Variants in RUNDC3B observed in about 807,000 individuals in gnomAD.
The protein encoded by RUNDC3B is RUN domain-containing protein 3B.
In RUNDC3B, 33 loss-of-function variants were observed where a neutral mutation model predicts 58.4. The ratio of observed to expected loss-of-function variants is 0.56; its 90% CI spans 0.43 to 0.75. The LOEUF is 0.75. RUNDC3B is among the 30% of genes least tolerant of loss of function. The probability of loss-of-function intolerance (pLI) is 0.00; values close to 1 mark genes in which losing one functional copy is unlikely to be tolerated. For missense variants in RUNDC3B, 501 were observed against 535.7 expected, an observed-to-expected ratio of 0.94 and a Z score of 0.64; for synonymous variants, 193 against 195.2, an observed-to-expected ratio of 0.99 and a Z score of 0.10.
intron 8 of RUNDC3B, among the ~76,000 whole-genome samples, chr7:87,785,165 C>T (rs1835141558): frequency 6.6e-6 from 1 of 151,968 alleles, no homozygotes; most frequent in African/African-American, 2.4e-5. Context: ...AGTGTCTGCC[C>T]CAGGAACAGA....
chr7:87,648,709 A>T (rs958848192), intron 1 of RUNDC3B, among the ~76,000 whole-genome samples: 42 of 152,214 alleles, frequency 2.8e-4, no homozygotes, highest in African/African-American at 9.6e-4. Context: ...TTATTTCCCG[A>T]TATAACTGGT....
At chr7:87,702,193 ATT>A (rs914477876) in intron 3 of RUNDC3B, among the ~76,000 whole-genome samples, 1 of 146,478 alleles carries the variant, frequency 6.8e-6, no homozygotes, top group Non-Finnish European at 1.5e-5. Flanking sequence ...TTTCTCACTA[ATT>A]TTTTTTTAGG....
At chr7:87,711,469 G>T (rs1265089141) in intron 4 of RUNDC3B, among the ~76,000 whole-genome samples, 2 of 151,908 alleles carry the variant, frequency 1.3e-5, no homozygotes, top group African/African-American at 2.4e-5. Flanking sequence ...GTGAAAAATA[G>T]GACTTTGTTG....
chr7:87,689,177 AT>A (rs1057462964), intron 2 of RUNDC3B, among the ~76,000 whole-genome samples: 153 of 152,168 alleles, frequency 1.0e-3, no homozygotes, highest in African/African-American at 3.2e-3. Flanking sequence ...ATTATCTGAG[AT>A]TTTTTTGAAT....
intron 8 of RUNDC3B, among the ~76,000 whole-genome samples, chr7:87,783,875 A>G (rs1185316079): frequency 6.6e-6 from 1 of 152,134 alleles, no homozygotes; most frequent in East Asian, 1.9e-4. Context: ...GTCTACTGTT[A>G]GCCTGATAGG....
intron 2 of RUNDC3B, chr7:87,694,021 G>T: frequency 6.3e-7 from 1 of 1,599,658 alleles, no homozygotes; most frequent in South Asian, 1.1e-5. Context: ...TTGACTTTCG[G>T]GGGAGGGCTG....
At chr7:87,680,652 G>A (rs567289800) in intron 2 of RUNDC3B, among the ~76,000 whole-genome samples, 8 of 150,384 alleles carry the variant, frequency 5.3e-5, no homozygotes, top group African/African-American at 2.0e-4. Context: ...AAATTAGCCA[G>A]GCATGGTGGT....
intron 4 of RUNDC3B, chr7:87,713,422 G>A (rs1175368026): frequency 6.6e-6 from 1 of 152,092 alleles, no homozygotes; most frequent in African/African-American, 2.4e-5. Context: ...GAGGAAGGGT[G>A]GGAGTAGAGA....
At chr7:87,650,398 GC>G (rs1367595077) in intron 1 of RUNDC3B, among the ~76,000 whole-genome samples, 1 of 151,950 alleles carries the variant, frequency 6.6e-6, no homozygotes, top group East Asian at 1.9e-4. Flanking sequence ...TCTGGTGAGA[GC>G]CCATTCCTCA....
chr7:87,770,849 A>G (rs992172135), intron 7 of RUNDC3B, 100 bp downstream of exon 7: 4 of 749,462 alleles, frequency 5.3e-6, no homozygotes, highest in Non-Finnish European at 8.4e-6. Context: ...TTATTTATCC[A>G]TTGCTGCTTC....
At chr7:87,811,484 C>G (rs186883904) in intron 9 of RUNDC3B, among the ~76,000 whole-genome samples, 5 of 152,140 alleles carry the variant, frequency 3.3e-5, no homozygotes, top group Admixed American at 2.0e-4. Context: ...CAGGCGCCTG[C>G]CACCATACCC....
chr7:87,819,160 C>G (rs570910209), intron 10 of RUNDC3B, among the ~76,000 whole-genome samples: 124 of 152,242 alleles, frequency 8.1e-4, no homozygotes, highest in African/African-American at 2.9e-3. Context: ...CCCTGATCAG[C>G]TAGTCCGACT....
chr7:87,776,072 TATA>T (rs1280939473), intron 7 of RUNDC3B, among the ~76,000 whole-genome samples: 8 of 152,190 alleles, frequency 5.3e-5, no homozygotes, highest in Non-Finnish European at 1.0e-4. Flanking sequence ...ATCATGTGAA[TATA>T]ATATCAAGTG....
In RUNDC3B at chr7:87,638,503, C is replaced by T. The variant is rs147854810; in HGVS notation, c.122+9558C>T. ...GTCTTTGTGGGAAATCATTTAGTAA[C>T]GGAATCAATTCATTTAATAAATACT... is the stretch of plus-strand genomic sequence containing the variant. On this transcript the variant is annotated intron_variant, in intron 1 of 10. Coordinates refer to ENST00000394654, the MANE Select transcript of RUNDC3B (RefSeq NM_001134405.2). 1.4e-3 allele frequency among the ~76,000 whole-genome samples: 219 copies of T among 152,110 alleles called. 5 individuals are homozygous for T. Among genetic ancestry groups the T allele is most frequent in the Admixed American group, 9.0e-3 (137 of 15,274 alleles).
chr7:87,747,664 C>A (rs1584087371), intron 6 of RUNDC3B, among the ~76,000 whole-genome samples: 1 of 152,084 alleles, frequency 6.6e-6, no homozygotes, highest in East Asian at 1.9e-4. Context: ...GCTATGGCTG[C>A]TGTTGGGGAT....
At chr7:87,708,593 G>C (rs1299722390) in intron 3 of RUNDC3B, among the ~76,000 whole-genome samples, 1 of 152,032 alleles carries the variant, frequency 6.6e-6, no homozygotes, top group Non-Finnish European at 1.5e-5. Flanking sequence ...AGAGTTGTCT[G>C]TCAGATATTT....
chr7:87,775,162 A>G (rs1407373723), intron 7 of RUNDC3B, among the ~76,000 whole-genome samples: 1 of 152,204 alleles, frequency 6.6e-6, no homozygotes, highest in East Asian at 1.9e-4. Flanking sequence ...TGACAGCTCC[A>G]TGTGTTAATG....
intron 2 of RUNDC3B, chr7:87,693,903 T>A (rs71562765): frequency 1.2e-5 from 19 of 1,606,408 alleles, no homozygotes; most frequent in Admixed American, 3.4e-5. Flanking sequence ...ATTTTTTTTT[T>A]AAAGAGATTT....
chr7:87,708,787 T>A (rs1176950491), intron 3 of RUNDC3B, among the ~76,000 whole-genome samples: 1 of 152,186 alleles, frequency 6.6e-6, no homozygotes, highest in Non-Finnish European at 1.5e-5. Context: ...CTGTTTTTCA[T>A]TTGTGCATAA....
Sources: gnomAD v4.1 joint callset for allele counts (sites outside exome capture counted in the v4.1 genomes callset) on GRCh38, gnomAD v4.1.1 for gene constraint, MANE v1.5 for transcripts, NCBI Gene and HGNC (gene_info 2026-07-23, HGNC 2026-07-21) for gene names.